Variants in FHIT observed in about 807,000 individuals in gnomAD.
FHIT encodes the protein fragile histidine triad diadenosine triphosphatase.
A neutral mutation model predicts 17.9 loss-of-function variants in FHIT; 19 were observed. The ratio of observed to expected loss-of-function variants is 1.06; its 90% CI spans 0.74 to 1.56. The LOEUF (loss-of-function observed/expected upper bound fraction) is 1.56. Ranked by LOEUF, FHIT falls within the 40% of genes most tolerant of loss-of-function variation. The pLI is 0.00. For missense variants in FHIT, 248 were observed against 189.2 expected, an observed-to-expected ratio of 1.31 and a Z score of -1.82; for synonymous variants, 81 against 69.7, an observed-to-expected ratio of 1.16 and a Z score of -0.81.
At chr3:60,629,579 G>C (rs1301204820) in intron 4 of FHIT, among the ~76,000 whole-genome samples, 2 of 152,198 alleles carry the variant, frequency 1.3e-5, no homozygotes, top group Non-Finnish European at 2.9e-5. Flanking sequence ...TGAAAGCCGT[G>C]TCTAGTATTA....
chr3:60,142,447 TATTTC>T (rs1700077617), intron 5 of FHIT, among the ~76,000 whole-genome samples: 5 of 152,176 alleles, frequency 3.3e-5, no homozygotes. Context: ...TTTATTTATA[TATTTC>T]TTCTTGAACC....
intron 5 of FHIT, among the ~76,000 whole-genome samples, chr3:60,440,873 G>A (rs1392007169): frequency 7.2e-5 from 11 of 152,006 alleles, no homozygotes. Flanking sequence ...ATAACATAGG[G>A]CAATAAGTGA....
intron 3 of FHIT, among the ~76,000 whole-genome samples, chr3:60,988,339 A>G (rs956924383): frequency 2.0e-5 from 3 of 152,248 alleles, no homozygotes; most frequent in African/African-American, 7.2e-5. Context: ...TAGGGTACCT[A>G]CCATGTGCCA....
intron 8 of FHIT, among the ~76,000 whole-genome samples, chr3:59,917,467 A>G (rs568151268): frequency 8.5e-5 from 13 of 152,288 alleles, no homozygotes; most frequent in African/African-American, 3.1e-4. Context: ...CCTCCCCCAC[A>G]TTGGCTATAC....
At chr3:60,785,894 A>AAAAC (rs782044415) in intron 4 of FHIT, among the ~76,000 whole-genome samples, 4,953 of 70,164 alleles carry the variant, frequency 0.071, 91 homozygotes, top group Non-Finnish European at 0.085. Context: ...CAACAAACAG[A>AAAAC]AGACACACAC....
At chr3:60,032,244 G>A (rs567617275) in intron 5 of FHIT, among the ~76,000 whole-genome samples, 5 of 152,132 alleles carry the variant, frequency 3.3e-5, no homozygotes, top group South Asian at 2.1e-4. Context: ...AGGGTTGCTC[G>A]AGGCTAGGAG....
At position 59,749,286 on chromosome 3, in the gene FHIT, A is replaced by G. The variant is rs776665913; in HGVS notation, c.*299T>C. 8.7e-6 allele frequency: 2 copies of G among 231,142 alleles called. No homozygotes were observed. The highest frequency in any genetic ancestry group is 1.7e-5 in the Non-Finnish European group (2 of 116,854). The allele number at this position is 231,142 out of a possible 1,614,324, so 14.3% of individuals were successfully genotyped here. A position where few individuals can be genotyped will look rare whatever the true frequency, so the allele number is the denominator to read the frequency against. On this transcript the variant is annotated 3_prime_UTR_variant, in exon 10 of 10. Coordinates refer to ENST00000492590, the MANE Select transcript of FHIT (RefSeq NM_002012.4). ...ATAGGTTTGTTGCCTAATTCATGGC[A>G]AGTCAATACACCGAGACACAGGGTT...
At chr3:60,537,048 A>T in intron 4 of FHIT, 69 bp from the exon 5 acceptor site, 1 of 1,313,474 alleles carries the variant, frequency 7.6e-7, no homozygotes, top group Non-Finnish European at 1.0e-6. Flanking sequence ...CACCTTAAAG[A>T]AAGCAAATTC....
intron 8 of FHIT, among the ~76,000 whole-genome samples, chr3:59,800,874 G>A (rs922563183): frequency 1.3e-5 from 2 of 152,132 alleles, no homozygotes; most frequent in Non-Finnish European, 2.9e-5. Context: ...GGGAAGGGAA[G>A]AAGAAAAGAG....
intron 3 of FHIT, among the ~76,000 whole-genome samples, chr3:60,824,219 G>A (rs1553740248): frequency 6.6e-6 from 1 of 152,178 alleles, no homozygotes. Context: ...GTGAATAAAG[G>A]TGCTAGCCAG....
intron 4 of FHIT, among the ~76,000 whole-genome samples, chr3:60,693,478 T>G (rs2041040408): frequency 6.6e-6 from 1 of 152,218 alleles, no homozygotes; most frequent in African/African-American, 2.4e-5. Context: ...TAGATATTTC[T>G]CTACTCACCA....
chr3:60,785,760 T>C (rs1700544247), intron 4 of FHIT, among the ~76,000 whole-genome samples: 1 of 152,188 alleles, frequency 6.6e-6, no homozygotes, highest in East Asian at 1.9e-4. Flanking sequence ...AACAAGTATT[T>C]GCTGAAAACC....
chr3:60,125,754 C>T (rs1705517411), intron 5 of FHIT, among the ~76,000 whole-genome samples: 1 of 151,892 alleles, frequency 6.6e-6, no homozygotes, highest in African/African-American at 2.4e-5. Context: ...GGAGTAGAGA[C>T]ACTCGGGAGG....
chr3:61,074,893 CATTGAGTGTGTGAACCTTTGTGAAAAG>C (rs2034923043), intron 2 of FHIT, among the ~76,000 whole-genome samples: 2 of 152,152 alleles, frequency 1.3e-5, no homozygotes, highest in East Asian at 3.8e-4. Flanking sequence ...CATCCAAGAG[CATTGAGTGTGTGAACCTTTGTGAAAAG>C]CATCAAGTTA....
chr3:60,245,945 A>G (rs1022675697), intron 5 of FHIT, among the ~76,000 whole-genome samples: 1 of 152,172 alleles, frequency 6.6e-6, no homozygotes, highest in African/African-American at 2.4e-5. Flanking sequence ...TCATTTTTAT[A>G]CAATGAATAA....
intron 4 of FHIT, among the ~76,000 whole-genome samples, chr3:60,547,548 A>G (rs1171152349): frequency 1.3e-5 from 2 of 152,128 alleles, no homozygotes; most frequent in African/African-American, 4.8e-5. Flanking sequence ...TATGATTTCA[A>G]CATTCTTAAA....
intron 5 of FHIT, among the ~76,000 whole-genome samples, chr3:60,107,950 T>C (rs1704498758): frequency 6.6e-6 from 1 of 152,188 alleles, no homozygotes; most frequent in African/African-American, 2.4e-5. Flanking sequence ...ATCATTTAAT[T>C]TGAAACAAAG....
chr3:60,078,978 T>C lies in FHIT; in HGVS notation c.104-64826A>G, dbSNP rs1023664936. 1.3e-5 allele frequency among the ~76,000 whole-genome samples: 2 copies of C among 152,164 alleles called. 1 individual carries two copies. The highest frequency in any genetic ancestry group is 4.1e-4 in the South Asian group (2 of 4,822). ...AAAAGAGAGGGAGCTTGACTTAATA[T>C]TGCAGCTGTACCATAAAGTGTTCTT... On this transcript the variant is annotated intron_variant, in intron 5 of 9. Coordinates refer to ENST00000492590, the MANE Select transcript of FHIT (RefSeq NM_002012.4).
At position 60,860,176 on chromosome 3, in the gene FHIT, ATGG is replaced by A. The variant is rs1553751082; in HGVS notation, c.-110-38168_-110-38166del. Among the ~76,000 whole-genome samples the A allele has an allele frequency of 2.3e-4, 20 of 86,384 alleles. 1 individual carries two copies. The highest frequency in any genetic ancestry group is 6.8e-4 in the African/African-American group (12 of 17,734). The allele number at this position is 86,384 out of a possible 152,430, so 56.7% of individuals were successfully genotyped here. A position where few individuals can be genotyped will look rare whatever the true frequency, so the allele number is the denominator to read the frequency against. ...TATATGATATACATCATATGTATATATGGTATACATGAGATACATCATATGTAT... is the reference window on the plus strand; with the variant it reads ...TATATGATATACATCATATGTATATATATACATGAGATACATCATATGTAT... On this transcript the variant is annotated intron_variant, in intron 3 of 9. Coordinates refer to ENST00000492590, the MANE Select transcript of FHIT (RefSeq NM_002012.4).
Sources: gnomAD v4.1 joint callset for allele counts (sites outside exome capture counted in the v4.1 genomes callset) on GRCh38, gnomAD v4.1.1 for gene constraint, MANE v1.5 for transcripts, NCBI Gene and HGNC (gene_info 2026-07-23, HGNC 2026-07-21) for gene names.